Variants in COL5A2 observed in about 807,000 individuals in gnomAD.
COL5A2 encodes collagen alpha-2(V) chain.
A neutral mutation model predicts 208.2 loss-of-function variants in COL5A2; 23 were observed. The observed-to-expected ratio is 0.11, with a 90% CI of 0.08 to 0.16. COL5A2 has a LOEUF of 0.16. Ranked by LOEUF, COL5A2 falls within the 10% of genes least tolerant of loss-of-function variation. COL5A2 has a pLI of 1.00. For missense variants in COL5A2, 1,590 were observed against 1,956.4 expected (o/e 0.81, Z 3.53); for synonymous variants, 625 against 628.5 (o/e 0.99, Z 0.08).
In COL5A2 at chr2:189,034,221, A is replaced by G; in HGVS notation, c.4354-5T>C. On this transcript the variant is annotated splice_region_variant and splice_polypyrimidine_tract_variant and intron_variant, in intron 53 of 53. Transcript: ENST00000374866. ...GCCCACATTTCCATTCCGCTTCTGA[A>G]ATTAAATGATGCAATGGGTTAAATG... 1 of 1,613,910 alleles carries G rather than the reference A, an allele frequency of 6.2e-7. No individual in the cohort carries two copies. Among genetic ancestry groups the G allele is most frequent in the Non-Finnish European group, 8.5e-7 (1 of 1,179,862 alleles).
At chr2:189,270,921 A>T in the COL5A2 span, among the ~76,000 whole-genome samples, 66 of 152,308 alleles carry the variant, frequency 4.3e-4, 1 homozygote, top group African/African-American at 1.5e-3. Context: ...TACAAAGAGA[A>T]TAAAATACCT....
At chr2:189,192,393 G>C (rs1688942475) in intron 1 of COL5A2, among the ~76,000 whole-genome samples, 1 of 152,184 alleles carries the variant, frequency 6.6e-6, no homozygotes, top group South Asian at 2.1e-4. Context: ...GGAAACATGA[G>C]CTTTGGTCCT....
chr2:189,033,338 T>C lies in COL5A2; in HGVS notation c.*732A>G, dbSNP rs1386573132. 6.5e-6 allele frequency: 1 copy of C among 152,730 alleles called. No individual in the cohort carries two copies. The highest frequency in any genetic ancestry group is 2.4e-5 in the African/African-American group (1 of 41,440). The allele number at this position is 152,730 out of a possible 1,614,324, so 9.5% of individuals were successfully genotyped here. On this transcript the variant is annotated 3_prime_UTR_variant, in exon 54 of 54. Transcript: ENST00000374866. ...GATAGATTGATCAAGAGGAGAAAGA[T>C]ATCTTTAAATTTGAATGAGAAAGAT...
intron 1 of COL5A2, among the ~76,000 whole-genome samples, chr2:189,219,881 C>G (rs978767243): frequency 2.8e-4 from 43 of 152,158 alleles, no homozygotes; most frequent in Admixed American, 2.0e-3. Flanking sequence ...GTGCCCCCCC[C>G]CCACTCTTAG....
the COL5A2 span, among the ~76,000 whole-genome samples, chr2:189,252,996 T>C: frequency 2.6e-5 from 4 of 152,168 alleles, no homozygotes; most frequent in African/African-American, 9.6e-5. Flanking sequence ...CAACTGAACA[T>C]TGTTATAACC....
intron 1 of COL5A2, among the ~76,000 whole-genome samples, chr2:189,140,763 C>T (rs762246250): frequency 2.2e-4 from 33 of 152,124 alleles, no homozygotes; most frequent in Non-Finnish European, 4.4e-4. Flanking sequence ...AGACATAGCT[C>T]TAGTAATTAC....
chr2:189,225,547 T>C (rs777272404), upstream of COL5A2, among the ~76,000 whole-genome samples: 6 of 152,290 alleles, frequency 3.9e-5, no homozygotes, highest in South Asian at 1.2e-3. Flanking sequence ...TGTACAGTTT[T>C]GCTAAATGAA....
chr2:189,264,587 G>T, the COL5A2 span, among the ~76,000 whole-genome samples: 1 of 152,040 alleles, frequency 6.6e-6, no homozygotes, highest in Non-Finnish European at 1.5e-5. Flanking sequence ...TCAGAATGGT[G>T]GTTAACTCTA....
At position 189,071,194 on chromosome 2, in the gene COL5A2, T is replaced by C. The variant is rs1373426781; in HGVS notation, c.1158+846A>G. 2.0e-5 allele frequency among the ~76,000 whole-genome samples: 3 copies of C among 152,150 alleles called. No individual in the cohort carries two copies. The East Asian group carries it at 5.8e-4, about 29-fold the overall frequency. On this transcript the variant is annotated intron_variant, in intron 18 of 53. Coordinates refer to ENST00000374866, the MANE Select transcript of COL5A2 (RefSeq NM_000393.5). ...TCACATAATCCTCAACAAAATTCCATGAGAAAACAAAGTTTAGAGGGGCCA... is the reference window on the plus strand; with the variant it reads ...TCACATAATCCTCAACAAAATTCCACGAGAAAACAAAGTTTAGAGGGGCCA...
At chr2:189,241,715 T>C in the COL5A2 span, among the ~76,000 whole-genome samples, 1 of 152,194 alleles carries the variant, frequency 6.6e-6, no homozygotes, top group Admixed American at 6.5e-5. Context: ...TTTCCCAATA[T>C]CCTTTATTCT....
the COL5A2 span, among the ~76,000 whole-genome samples, chr2:189,388,962 C>T: frequency 1.3e-4 from 20 of 152,246 alleles, no homozygotes; most frequent in African/African-American, 4.3e-4. Context: ...CTGAAAGGTT[C>T]CCAACATTCT....
intron 6 of COL5A2, chr2:189,095,693 T>G (rs1224247885): frequency 6.6e-6 from 1 of 152,104 alleles, no homozygotes; most frequent in Non-Finnish European, 1.5e-5. Context: ...CTACAACAAC[T>G]TCTACCTAGA....
At chr2:189,108,671 A>C (rs1340406411) in intron 2 of COL5A2, among the ~76,000 whole-genome samples, 1 of 151,882 alleles carries the variant, frequency 6.6e-6, no homozygotes, top group East Asian at 1.9e-4. Context: ...TTTTTCTTGT[A>C]TTATATTGTT....
chr2:189,062,130 A>C (rs1346180253), intron 29 of COL5A2, among the ~76,000 whole-genome samples: 11 of 152,108 alleles, frequency 7.2e-5, no homozygotes, highest in Admixed American at 7.2e-4. Flanking sequence ...AAATGAAAAT[A>C]GACCTCAAAG....
At position 189,032,756 on chromosome 2, in the gene COL5A2, T is replaced by C. The variant is rs1241111540; in HGVS notation, c.*1314A>G. On this transcript the variant is annotated 3_prime_UTR_variant, in exon 54 of 54. Transcript: ENST00000374866. ...CAGATACAGTATGACAGAGGAACAG[T>C]GAACAAGCATTGGAACGATGCTCTT... is the stretch of plus-strand genomic sequence containing the variant. The C allele has an allele frequency of 2.6e-5, 4 of 152,556 alleles. No individual in the cohort carries two copies. The highest frequency in any genetic ancestry group is 2.6e-4 in the Admixed American group (4 of 15,256). The allele number at this position is 152,556 out of a possible 1,614,324, so 9.5% of individuals were successfully genotyped here. A position where few individuals can be genotyped will look rare whatever the true frequency, so the allele number is the denominator to read the frequency against.
At chr2:189,417,697 T>C in the COL5A2 span, among the ~76,000 whole-genome samples, 1 of 152,124 alleles carries the variant, frequency 6.6e-6, no homozygotes, top group African/African-American at 2.4e-5. Context: ...GAGATATTTG[T>C]CTTTCTTTGT....
chr2:189,436,542 C>G, the COL5A2 span, among the ~76,000 whole-genome samples: 3 of 152,088 alleles, frequency 2.0e-5, no homozygotes, highest in Non-Finnish European at 2.9e-5. Flanking sequence ...AAAAAAGATA[C>G]ATGCATGTAT....
rs1264959443 is a variant in COL5A2 at position 189,034,790 on chromosome 2, T to C, written c.4353+126A>G. The C allele has an allele frequency of 2.8e-6, 3 of 1,083,488 alleles. No homozygotes were observed. The African/African-American group carries it at 4.7e-5, about 17-fold the overall frequency. The allele number at this position is 1,083,488 out of a possible 1,614,324, so 67.1% of individuals were successfully genotyped here. A position where few individuals can be genotyped will look rare whatever the true frequency, so the allele number is the denominator to read the frequency against. ...ACACATTTACCCTAAGGAATGACTATAAACAAACTGCTATTATGCTCATAT... is the reference window on the plus strand; with the variant it reads ...ACACATTTACCCTAAGGAATGACTACAAACAAACTGCTATTATGCTCATAT... On this transcript the variant is annotated intron_variant, in intron 53 of 53. Coordinates refer to ENST00000374866, the MANE Select transcript of COL5A2 (RefSeq NM_000393.5).
Position 189,048,280 on chromosome 2 carries a change from T to A in COL5A2, c.3148-18A>T. ...GCTGGACCCTATAAAGAATAATGGT[T>A]TGAAAAACTACTTAACTGAGTAATG... On this transcript the variant is annotated intron_variant, in intron 44 of 53. Transcript: ENST00000374866. The A allele has an allele frequency of 6.2e-7, 1 of 1,611,864 alleles. No individual in the cohort carries two copies. Among genetic ancestry groups the A allele is most frequent in the Non-Finnish European group, 8.5e-7 (1 of 1,178,028 alleles).
Sources: allele counts gnomAD v4.1 joint callset (sites outside exome capture counted in the v4.1 genomes callset), GRCh38; gene constraint gnomAD v4.1.1; transcripts MANE v1.5; gene names NCBI Gene and HGNC (gene_info 2026-07-23, HGNC 2026-07-21).